The following OSTN variants were observed in gnomAD, a reference collection of about 807,000 sequenced individuals.
The protein encoded by OSTN is osteocrin.
OSTN carries 9 observed loss-of-function variants against 12.0 expected under a neutral mutation model. The ratio of observed to expected loss-of-function variants is 0.75; its 90% CI spans 0.45 to 1.30. The LOEUF (loss-of-function observed/expected upper bound fraction) is 1.30. OSTN is among the 50% of genes most tolerant of loss of function. OSTN has a pLI of 0.00. For missense variants in OSTN, 148 were observed against 152.3 expected (o/e 0.97, Z 0.15); for synonymous variants, 59 against 56.9 (o/e 1.04, Z -0.16).
At chr3:191,220,274 G>C (rs1576926878) in intron 3 of OSTN, among the ~76,000 whole-genome samples, 1 of 152,068 alleles carries the variant, frequency 6.6e-6, no homozygotes, top group South Asian at 2.1e-4. Context: ...ATCATTTGAA[G>C]ACCATACCTT....
At chr3:191,206,890 G>T (rs1298007888) in intron 1 of OSTN, among the ~76,000 whole-genome samples, 6 of 152,216 alleles carry the variant, frequency 3.9e-5, no homozygotes, top group Non-Finnish European at 8.8e-5. Flanking sequence ...ACTTAATGGA[G>T]TGGGTAAAGG....
At chr3:191,248,394 T>C (rs1715485142) in intron 3 of OSTN, among the ~76,000 whole-genome samples, 1 of 152,210 alleles carries the variant, frequency 6.6e-6, no homozygotes, top group Non-Finnish European at 1.5e-5. Context: ...AATTAGATCA[T>C]AATAAGAAAA....
At chr3:191,222,151 C>T (rs1714781608) in intron 3 of OSTN, among the ~76,000 whole-genome samples, 1 of 152,228 alleles carries the variant, frequency 6.6e-6, no homozygotes, top group Non-Finnish European at 1.5e-5. Flanking sequence ...GCAGAGCCCT[C>T]ATGAAGAACC....
intron 3 of OSTN, among the ~76,000 whole-genome samples, chr3:191,231,415 A>T (rs1715050549): frequency 6.6e-6 from 1 of 152,142 alleles, no homozygotes; most frequent in Non-Finnish European, 1.5e-5. Flanking sequence ...ATTTAGTAAC[A>T]AGAATGTATA....
chr3:191,206,679 G>A (rs1253510542), intron 1 of OSTN, among the ~76,000 whole-genome samples: 4 of 152,234 alleles, frequency 2.6e-5, no homozygotes, highest in African/African-American at 4.8e-5. Flanking sequence ...TTGGTCTAGA[G>A]AGGAAAGTGT....
intron 4 of OSTN, among the ~76,000 whole-genome samples, chr3:191,261,937 C>A (rs1265457517): frequency 6.6e-6 from 1 of 152,186 alleles, no homozygotes; most frequent in Non-Finnish European, 1.5e-5. Flanking sequence ...TGACTATTGG[C>A]CGGGTGCGGT....
chr3:191,233,122 A>G (rs1342028149), intron 3 of OSTN, among the ~76,000 whole-genome samples: 9 of 152,222 alleles, frequency 5.9e-5, no homozygotes, highest in Non-Finnish European at 1.2e-4. Context: ...AAAAAGGTCC[A>G]CCAGGAGATG....
At chr3:191,220,576 G>A (rs1028721980) in intron 3 of OSTN, among the ~76,000 whole-genome samples, 3 of 152,102 alleles carry the variant, frequency 2.0e-5, no homozygotes, top group Non-Finnish European at 2.9e-5. Context: ...ACAGTTTAGA[G>A]GTTCCTCAGA....
chr3:191,203,588 T>G (rs968164972), intron 1 of OSTN, among the ~76,000 whole-genome samples: 1 of 152,218 alleles, frequency 6.6e-6, no homozygotes, highest in Non-Finnish European at 1.5e-5. Flanking sequence ...TTCTAGTAAC[T>G]TATCATTCTT....
At chr3:191,250,466 A>G (rs1317219827) in intron 4 of OSTN, among the ~76,000 whole-genome samples, 1 of 152,192 alleles carries the variant, frequency 6.6e-6, no homozygotes, top group African/African-American at 2.4e-5. Flanking sequence ...CTCCATAAAT[A>G]TATAAAAATC....
intron 1 of OSTN, among the ~76,000 whole-genome samples, chr3:191,203,829 G>A (rs1002723516): frequency 6.6e-6 from 1 of 152,126 alleles, no homozygotes; most frequent in Non-Finnish European, 1.5e-5. Context: ...TGGAAAATTT[G>A]CTACTGCCAA....
chr3:191,221,297 G>A (rs1714756337), intron 3 of OSTN, among the ~76,000 whole-genome samples: 1 of 152,098 alleles, frequency 6.6e-6, no homozygotes, highest in African/African-American at 2.4e-5. Flanking sequence ...CACAGAGAGT[G>A]GGGTGCTGCT....
At chr3:191,232,886 A>T (rs1715096555) in intron 3 of OSTN, among the ~76,000 whole-genome samples, 1 of 152,086 alleles carries the variant, frequency 6.6e-6, no homozygotes, top group South Asian at 2.1e-4. Flanking sequence ...GAGTGCTGGG[A>T]TTACTGGTGT....
chr3:191,232,065 T>C (rs1715070053), intron 3 of OSTN, among the ~76,000 whole-genome samples: 1 of 151,910 alleles, frequency 6.6e-6, no homozygotes, highest in Non-Finnish European at 1.5e-5. Flanking sequence ...GTGCGGTGGC[T>C]CATGCCTGTA....
At chr3:191,231,762 A>G (rs1206592327) in intron 3 of OSTN, among the ~76,000 whole-genome samples, 1 of 152,138 alleles carries the variant, frequency 6.6e-6, no homozygotes, top group Non-Finnish European at 1.5e-5. Context: ...TCCATTTTCC[A>G]TACTCTGTGC....
chr3:191,203,741 A>G (rs1460989105), intron 1 of OSTN, among the ~76,000 whole-genome samples: 2 of 152,188 alleles, frequency 1.3e-5, no homozygotes, highest in Non-Finnish European at 2.9e-5. Flanking sequence ...AATAGGTTAT[A>G]CTCGAAAGAG....
intron 3 of OSTN, chr3:191,228,688 T>C (rs1267299316): frequency 6.6e-6 from 1 of 152,192 alleles, no homozygotes; most frequent in East Asian, 1.9e-4. Flanking sequence ...TTTGAAAACA[T>C]ATAAATGAAG....
chr3:191,209,035 T>C (rs1714353481), intron 1 of OSTN, among the ~76,000 whole-genome samples: 1 of 152,216 alleles, frequency 6.6e-6, no homozygotes, highest in South Asian at 2.1e-4. Context: ...GGTGGGCACC[T>C]GTAATCCCAG....
At chr3:191,257,239 T>C (rs974563060) in intron 4 of OSTN, among the ~76,000 whole-genome samples, 3 of 151,494 alleles carry the variant, frequency 2.0e-5, no homozygotes, top group African/African-American at 7.3e-5. Flanking sequence ...TACATGCCTT[T>C]TTATAATCCT....
Sources: allele counts gnomAD v4.1 joint callset (sites outside exome capture counted in the v4.1 genomes callset), GRCh38; gene constraint gnomAD v4.1.1; transcripts MANE v1.5; gene names NCBI Gene and HGNC (gene_info 2026-07-23, HGNC 2026-07-21).